Variants in KCNQ1 observed in about 807,000 individuals in gnomAD.
KCNQ1 encodes potassium voltage-gated channel subfamily KQT member 1.
Under a neutral mutation model 72.4 loss-of-function variants are expected in KCNQ1, and 49 were observed. The observed-to-expected ratio is 0.68, with a 90% CI of 0.54 to 0.86. The LOEUF (loss-of-function observed/expected upper bound fraction) is 0.86. KCNQ1 is among the 40% of genes least tolerant of loss of function. KCNQ1 has a pLI of 0.00. For synonymous variants in KCNQ1, 450 were observed against 412.6 expected (o/e 1.09, Z -1.10); for missense variants, 790 against 945.1 (o/e 0.84, Z 2.15).
chr11:2,682,296 C>T lies in KCNQ1; in HGVS notation c.1514+20215C>T, dbSNP rs762443430. ...AGACTGGGCTGTAAAAAATCACATA[C>T]CTCCCCTCCCATTCTTAATGTGTAA... On this transcript the variant is annotated intron_variant, in intron 11 of 15. Coordinates refer to ENST00000155840, the MANE Select transcript of KCNQ1 (RefSeq NM_000218.3). This position sits in a 1 kb window ranked among gnomAD's most constrained non-coding sequence, Gnocchi z 5.8. 2.0e-5 allele frequency: 8 copies of T among 398,500 alleles called. No individual in the cohort carries two copies. Among genetic ancestry groups the T allele is most frequent in the Non-Finnish European group, 3.5e-5 (8 of 226,090 alleles). 24.7% of individuals were successfully genotyped at this position (398,500 alleles called of 1,614,324 possible).
Position 2,612,587 on chromosome 11 carries a change from GGTT to G in KCNQ1, c.1393+23734_1393+23736del, listed in dbSNP as rs1205851366. 1.3e-5 allele frequency: 5 copies of G among 398,340 alleles called. No homozygotes were observed. The highest frequency in any genetic ancestry group is 8.2e-5 in the African/African-American group (4 of 48,672). The allele number at this position is 398,340 out of a possible 1,614,324, so 24.7% of individuals were successfully genotyped here. A position where few individuals can be genotyped will look rare whatever the true frequency, so the allele number is the denominator to read the frequency against. On this transcript the variant is annotated intron_variant, in intron 10 of 15. Transcript: ENST00000155840. This position sits in a 1 kb window ranked among gnomAD's most constrained non-coding sequence, Gnocchi z 5.5. ...TTTCACAACTACAGAATTTCTATTT[GGTT>G]TCTAATTTCTATCTCTATATTGATA...
Position 2,813,565 on chromosome 11 carries a change from A to G in KCNQ1, c.1795-34202A>G, listed in dbSNP as rs1367691671. Among the ~76,000 whole-genome samples, 1 of 152,038 alleles carries G rather than the reference A, an allele frequency of 6.6e-6. No homozygotes were observed. On this transcript the variant is annotated intron_variant, in intron 15 of 15. Coordinates refer to ENST00000155840, the MANE Select transcript of KCNQ1 (RefSeq NM_000218.3). The surrounding 1 kb of genome is among the most constrained non-coding windows in gnomAD (Gnocchi z 4.4). Reference sequence around the variant, plus strand: ...CTCCTTGATCTGGAGCCATTCAGCCACATGGAGTATGTCCTCTGTCGAGGG... The same window carrying G: ...CTCCTTGATCTGGAGCCATTCAGCCGCATGGAGTATGTCCTCTGTCGAGGG...
rs1440820781 is a variant in KCNQ1, at chr11:2,563,358, C to A, written c.478-7270C>A. ...CTCTGTTCACTCGGAGACTAAAAAT[C>A]CCAGATAAGCACCTGCTTTGCTAGA... On this transcript the variant is annotated intron_variant, in intron 2 of 15. Transcript: ENST00000155840. This position sits in a 1 kb window ranked among gnomAD's most constrained non-coding sequence, Gnocchi z 7.4. 6.6e-6 allele frequency among the ~76,000 whole-genome samples: 1 copy of A among 152,236 alleles called. No individual in the cohort carries two copies. The highest frequency in any genetic ancestry group is 2.4e-5 in the African/African-American group (1 of 41,468).
At chr11:2,790,934 C>T (rs1341949367) in intron 15 of KCNQ1, among the ~76,000 whole-genome samples, 1 of 152,088 alleles carries the variant, frequency 6.6e-6, no homozygotes, top group Non-Finnish European at 1.5e-5. Context: ...CTTCCTGCTT[C>T]TCTTACCCTC....
At chr11:2,693,425 T>G (rs1305235960) in intron 11 of KCNQ1, 10 of 398,590 alleles carry the variant, frequency 2.5e-5, no homozygotes, top group Non-Finnish European at 4.4e-5. Flanking sequence ...AAGCTTGTTT[T>G]GCCAGGCGCT....
Position 2,674,072 on chromosome 11 carries a change from G to A in KCNQ1, c.1514+11991G>A, listed in dbSNP as rs1850241064. 1 of 398,576 alleles carries A rather than the reference G, an allele frequency of 2.5e-6. No homozygotes were observed. Among genetic ancestry groups the A allele is most frequent in the African/African-American group, 2.1e-5 (1 of 48,632 alleles). 24.7% of individuals were successfully genotyped at this position (398,576 alleles called of 1,614,324 possible). A position where few individuals can be genotyped will look rare whatever the true frequency, so the allele number is the denominator to read the frequency against. On this transcript the variant is annotated intron_variant, in intron 11 of 15. Transcript: ENST00000155840. This position sits in a 1 kb window ranked among gnomAD's most constrained non-coding sequence, Gnocchi z 5.9. ...TGTACTTGCTGGCTGCCCCATGGGG[G>A]CTTGGGCTAGGTCTCCCTGCCGGTG...
intron 2 of KCNQ1, among the ~76,000 whole-genome samples, chr11:2,533,093 G>A (rs928111331): frequency 4.6e-5 from 7 of 152,222 alleles, no homozygotes; most frequent in Non-Finnish European, 7.3e-5. Flanking sequence ...GAGGGATTCC[G>A]AGAGCACGAT....
At position 2,475,645 on chromosome 11, in the gene KCNQ1, G is replaced by A. The variant is rs1846558467; in HGVS notation, c.386+30161G>A. ...GCTGTGAAGCTGTAACTTTCATGAA[G>A]ACAGTGACGTGGTTTGTCACTGCCC... On this transcript the variant is annotated intron_variant, in intron 1 of 15. Coordinates refer to ENST00000155840, the MANE Select transcript of KCNQ1 (RefSeq NM_000218.3). The surrounding 1 kb of genome is among the most constrained non-coding windows in gnomAD (Gnocchi z 5.8). 6.6e-6 allele frequency among the ~76,000 whole-genome samples: 1 copy of A among 152,186 alleles called. No homozygotes were observed. Among genetic ancestry groups the A allele is most frequent in the Non-Finnish European group, 1.5e-5 (1 of 68,038 alleles).
At position 2,645,847 on chromosome 11, in the gene KCNQ1, G is replaced by GA; in HGVS notation, c.1394-16113dup. The GA allele has an allele frequency of 2.5e-6, 1 of 398,666 alleles. No individual in the cohort carries two copies. Among genetic ancestry groups the GA allele is most frequent in the Non-Finnish European group, 4.4e-6 (1 of 226,136 alleles). 24.7% of individuals were successfully genotyped at this position (398,666 alleles called of 1,614,324 possible). A position where few individuals can be genotyped will look rare whatever the true frequency, so the allele number is the denominator to read the frequency against. On this transcript the variant is annotated intron_variant, in intron 10 of 15. Coordinates refer to ENST00000155840, the MANE Select transcript of KCNQ1 (RefSeq NM_000218.3). The surrounding 1 kb of genome is among the most constrained non-coding windows in gnomAD (Gnocchi z 5.8). ...CCTGAAGTTGCCTGAGGATTCAGGGGATGTGTGAATTGCCTGAGGATTCAG... is the reference window on the plus strand; with the variant it reads ...CCTGAAGTTGCCTGAGGATTCAGGGGAATGTGTGAATTGCCTGAGGATTCAG...
At position 2,620,213 on chromosome 11, in the gene KCNQ1, T is replaced by A. The variant is rs11023499; in HGVS notation, c.1393+31359T>A. 0.59 allele frequency: 145,363 copies of A among 245,934 alleles called. 38,384 individuals carry two copies. Among genetic ancestry groups the A allele is most frequent in the East Asian group, 0.75 (10,602 of 14,158 alleles). 15.2% of individuals were successfully genotyped at this position (245,934 alleles called of 1,614,324 possible). A position where few individuals can be genotyped will look rare whatever the true frequency, so the allele number is the denominator to read the frequency against. ...AGTTCATTCATGTATATATATATAT[T>A]TTTTTTTTTTATTTTTTTTTTAGAC... On this transcript the variant is annotated intron_variant, in intron 10 of 15. Coordinates refer to ENST00000155840, the MANE Select transcript of KCNQ1 (RefSeq NM_000218.3). This position sits in a 1 kb window ranked among gnomAD's most constrained non-coding sequence, Gnocchi z 4.5.
chr11:2,503,465 C>T (rs952739043), intron 1 of KCNQ1, among the ~76,000 whole-genome samples: 9 of 147,696 alleles, frequency 6.1e-5, no homozygotes, highest in African/African-American at 2.3e-4. Flanking sequence ...CGCATGTTCT[C>T]ACTCATAGGT....
rs549390258 is a variant in KCNQ1 at position 2,562,595 on chromosome 11, C to G, written c.478-8033C>G. ...GGGGTGAGACCCTAATCCCGGGTCC[C>G]CACAGCACCCTCAGCCTAACCCCTG... On this transcript the variant is annotated intron_variant, in intron 2 of 15. Transcript: ENST00000155840. This position sits in a 1 kb window ranked among gnomAD's most constrained non-coding sequence, Gnocchi z 7.5. Among the ~76,000 whole-genome samples the G allele has an allele frequency of 2.0e-5, 3 of 152,322 alleles. No individual in the cohort carries two copies. Among genetic ancestry groups the G allele is most frequent in the Non-Finnish European group, 2.9e-5 (2 of 68,014 alleles).
intron 2 of KCNQ1, 81 bp from the exon 3 acceptor site, chr11:2,570,547 C>T (rs1364663940): frequency 6.3e-7 from 1 of 1,585,760 alleles, no homozygotes; most frequent in Non-Finnish European, 8.6e-7. Context: ...TCCAGCATGG[C>T]TGGGTTCAAA....
chr11:2,499,195 G>A (rs544747854), intron 1 of KCNQ1, among the ~76,000 whole-genome samples: 1 of 152,106 alleles, frequency 6.6e-6, no homozygotes, highest in Non-Finnish European at 1.5e-5. Context: ...TAGAATTTTT[G>A]ATTTTGTTTT....
intron 11 of KCNQ1, among the ~76,000 whole-genome samples, chr11:2,716,729 G>A (rs1052410464): frequency 2.6e-5 from 4 of 152,232 alleles, no homozygotes; most frequent in East Asian, 1.9e-4. Context: ...CGGGCAGCGC[G>A]GTGCTTCTCC....
rs1848623298 is a variant in KCNQ1 at position 2,588,324 on chromosome 11, C to T, written c.1252-389C>T. Among the ~76,000 whole-genome samples, 1 of 152,170 alleles carries T rather than the reference C, an allele frequency of 6.6e-6. No homozygotes were observed. The highest frequency in any genetic ancestry group is 1.5e-5 in the Non-Finnish European group (1 of 67,998). On this transcript the variant is annotated intron_variant, in intron 9 of 15. Coordinates refer to ENST00000155840, the MANE Select transcript of KCNQ1 (RefSeq NM_000218.3). The surrounding 1 kb of genome is among the most constrained non-coding windows in gnomAD (Gnocchi z 5.6). The stretch of plus-strand genomic sequence containing the variant: ...GTGCTGGAATGTTCCCCCAGATTTC[C>T]ACACAGCCTGCTCCCTCACTTCAGG...
Position 2,687,955 on chromosome 11 carries a change from C to G in KCNQ1, c.1514+25874C>G. 2.5e-6 allele frequency: 1 copy of G among 398,790 alleles called. No individual in the cohort carries two copies. The highest frequency in any genetic ancestry group is 4.4e-5 in the Admixed American group (1 of 22,740). 24.7% of individuals were successfully genotyped at this position (398,790 alleles called of 1,614,324 possible). On this transcript the variant is annotated intron_variant, in intron 11 of 15. Transcript: ENST00000155840. This position sits in a 1 kb window ranked among gnomAD's most constrained non-coding sequence, Gnocchi z 5.0. ...ACTTCTCCCACCCGCTGTGGGTCAG[C>G]CAGGCCGCTGCTTCCTGCTTCCCTT...
At chr11:2,699,408 GGGGAGGGCCGCGCTGAGGAGAGTCT>G (rs1850734599) in intron 11 of KCNQ1, 2 of 403,554 alleles carry the variant, frequency 5.0e-6, no homozygotes, top group African/African-American at 4.1e-5. Flanking sequence ...CCAGAGAGAT[GGGGAGGGCCGCGCTGAGGAGAGTCT>G]GGGAGAACCG....
At position 2,678,884 on chromosome 11, in the gene KCNQ1, G is replaced by C; in HGVS notation, c.1514+16803G>C. 2.5e-6 allele frequency: 1 copy of C among 398,526 alleles called. No individual in the cohort carries two copies. The highest frequency in any genetic ancestry group is 4.4e-5 in the Admixed American group (1 of 22,730). 24.7% of individuals were successfully genotyped at this position (398,526 alleles called of 1,614,324 possible). On this transcript the variant is annotated intron_variant, in intron 11 of 15. Coordinates refer to ENST00000155840, the MANE Select transcript of KCNQ1 (RefSeq NM_000218.3). This position sits in a 1 kb window ranked among gnomAD's most constrained non-coding sequence, Gnocchi z 4.9. ...ACAGGAGTTGCCAGCTGGACCCAAG[G>C]ACCATTTCGTATACATGTATGATCA...
Sources: gnomAD v4.1 joint callset for allele counts (sites outside exome capture counted in the v4.1 genomes callset) on GRCh38, gnomAD v4.1.1 for gene constraint, Gnocchi (gnomAD v3.1) non-coding constraint, MANE v1.5 for transcripts, NCBI Gene and HGNC (gene_info 2026-07-23, HGNC 2026-07-21) for gene names.